HECW1: variants seen among roughly 807,000 people sequenced by gnomAD.
HECW1 encodes HECT, C2 and WW domain containing E3 ubiquitin protein ligase 1, also known as E3 ubiquitin-protein ligase HECW1.
Under a neutral mutation model 182.3 loss-of-function variants are expected in HECW1, and 61 were observed. The observed-to-expected ratio is 0.33, with a 90% confidence interval of 0.27 to 0.41. The LOEUF is 0.41. Ranked by LOEUF, HECW1 falls within the 10% of genes least tolerant of loss-of-function variation. HECW1 has a pLI of 1.00. For synonymous variants in HECW1, 859 were observed against 832.6 expected, an observed-to-expected ratio of 1.03 and a Z score of -0.55; for missense variants, 1,739 against 2,108.9, an observed-to-expected ratio of 0.82 and a Z score of 3.44.
chr7:43,509,209 G>C, intron 24 of HECW1, 88 bp downstream of exon 24: 1 of 1,288,058 alleles, frequency 7.8e-7, no homozygotes, highest in Non-Finnish European at 1.1e-6. Flanking sequence ...AGGCCACTGT[G>C]TTTAGAGCAG....
At chr7:43,340,106 C>T (rs958204612) in intron 5 of HECW1, among the ~76,000 whole-genome samples, 1 of 151,964 alleles carries the variant, frequency 6.6e-6, no homozygotes, top group African/African-American at 2.4e-5. Context: ...CACTGCTCTG[C>T]AGTGCCTGGA....
chr7:43,252,528 G>A (rs1266322523), intron 3 of HECW1, among the ~76,000 whole-genome samples: 1 of 152,228 alleles, frequency 6.6e-6, no homozygotes. Context: ...GAACACCCTG[G>A]CTTATACCAT....
chr7:43,431,612 G>A (rs1464770850), intron 8 of HECW1, among the ~76,000 whole-genome samples: 1 of 152,216 alleles, frequency 6.6e-6, no homozygotes, highest in Non-Finnish European at 1.5e-5. Flanking sequence ...GCAGATCTGA[G>A]TGTGTCATTT....
intron 2 of HECW1, among the ~76,000 whole-genome samples, chr7:43,232,351 C>T (rs1338485418): frequency 6.6e-6 from 1 of 152,164 alleles, no homozygotes; most frequent in Admixed American, 6.5e-5. Context: ...TCAGGACATG[C>T]CATCTTGCCC....
intron 2 of HECW1, among the ~76,000 whole-genome samples, chr7:43,140,715 G>A (rs538198435): frequency 1.3e-5 from 2 of 152,264 alleles, no homozygotes; most frequent in East Asian, 1.9e-4. Flanking sequence ...GTATCAGCTC[G>A]GCTGCTGTAA....
intron 19 of HECW1, among the ~76,000 whole-genome samples, chr7:43,493,392 C>A (rs1326291028): frequency 1.3e-5 from 2 of 152,000 alleles, no homozygotes; most frequent in Admixed American, 6.6e-5. Flanking sequence ...GATTACATAT[C>A]ATTTATATGG....
chr7:43,279,473 C>T (rs559816866), intron 3 of HECW1, among the ~76,000 whole-genome samples: 28 of 152,148 alleles, frequency 1.8e-4, no homozygotes, highest in African/African-American at 6.7e-4. Context: ...AAGGTTCTGC[C>T]TCATCTAGAG....
intron 2 of HECW1, among the ~76,000 whole-genome samples, chr7:43,189,706 A>T (rs1184892842): frequency 6.6e-6 from 1 of 152,230 alleles, no homozygotes; most frequent in African/African-American, 2.4e-5. Flanking sequence ...ATTACATAAG[A>T]AAACTTTTTG....
chr7:43,231,824 G>A (rs746089710), intron 2 of HECW1, among the ~76,000 whole-genome samples: 11 of 151,890 alleles, frequency 7.2e-5, no homozygotes, highest in Non-Finnish European at 1.3e-4. Context: ...AGACCATCCT[G>A]GCTAACACAG....
rs577368775 is a variant in HECW1 at position 43,295,171 on chromosome 7, G to A, written c.28-16592G>A. On this transcript the variant is annotated intron_variant, in intron 3 of 29. Transcript: ENST00000395891. ...AAAAAAATCAGGTATGCATTGTCTC[G>A]TGTGAGCAGAGGGACGACTTTGAGT... Among the ~76,000 whole-genome samples, 17 of 152,292 alleles carry A rather than the reference G, an allele frequency of 1.1e-4. No individual in the cohort carries two copies. In the South Asian group the frequency reaches 1.7e-3, roughly 15 times the overall value.
intron 5 of HECW1, among the ~76,000 whole-genome samples, chr7:43,354,125 A>G (rs1481581716): frequency 1.3e-5 from 2 of 152,044 alleles, no homozygotes; most frequent in East Asian, 1.9e-4. Flanking sequence ...ATAGTAGGGG[A>G]AAAAAAAGAA....
chr7:43,286,875 T>C (rs150108307), intron 3 of HECW1, among the ~76,000 whole-genome samples: 32 of 152,358 alleles, frequency 2.1e-4, no homozygotes, highest in African/African-American at 7.5e-4. Flanking sequence ...ATCATTTAAG[T>C]TGTCCATACT....
chr7:43,487,658 C>G (rs943750155), intron 17 of HECW1, among the ~76,000 whole-genome samples: 23 of 152,154 alleles, frequency 1.5e-4, no homozygotes, highest in Non-Finnish European at 5.9e-5. Context: ...CATTTTCTGA[C>G]CTTAGGAAAA....
At chr7:43,439,981 C>A (rs1456854308) in intron 9 of HECW1, 2 of 152,382 alleles carry the variant, frequency 1.3e-5, no homozygotes, top group Non-Finnish European at 2.9e-5. Flanking sequence ...GATAGACTGC[C>A]CCCTGGTGGC....
chr7:43,459,232 T>C (rs1048103171), intron 13 of HECW1, among the ~76,000 whole-genome samples: 2 of 152,208 alleles, frequency 1.3e-5, no homozygotes, highest in African/African-American at 2.4e-5. Flanking sequence ...TGCCTGTTCT[T>C]ACCTTTTTGC....
chr7:43,299,843 A>G (rs1162924301), intron 3 of HECW1, among the ~76,000 whole-genome samples: 2 of 152,112 alleles, frequency 1.3e-5, no homozygotes, highest in Non-Finnish European at 1.5e-5. Context: ...ATCAAATCCC[A>G]TTTTTTTGTT....
chr7:43,440,347 ATCC>A (rs2076848313), intron 9 of HECW1: 1 of 152,182 alleles, frequency 6.6e-6, no homozygotes, highest in African/African-American at 2.4e-5. Flanking sequence ...CTCATTTCCA[ATCC>A]TCCTTCGATT....
At chr7:43,292,503 A>C (rs1448812898) in intron 3 of HECW1, among the ~76,000 whole-genome samples, 1 of 152,210 alleles carries the variant, frequency 6.6e-6, no homozygotes, top group Non-Finnish European at 1.5e-5. Flanking sequence ...GTCAGAGTAG[A>C]ATAGAAGCCA....
At chr7:43,137,732 TAG>T (rs1363582692) in intron 2 of HECW1, among the ~76,000 whole-genome samples, 1 of 151,924 alleles carries the variant, frequency 6.6e-6, no homozygotes, top group Non-Finnish European at 1.5e-5. Context: ...GTATTTTTAG[TAG>T]AGATAGGGTT....
Sources: allele counts gnomAD v4.1 joint callset (sites outside exome capture counted in the v4.1 genomes callset), GRCh38; gene constraint gnomAD v4.1.1; transcripts MANE v1.5; gene names NCBI Gene and HGNC (gene_info 2026-07-23, HGNC 2026-07-21).